The following PGR variants were observed in gnomAD, a reference collection of about 807,000 sequenced individuals.
PGR encodes the protein progesterone receptor.
PGR carries 25 observed loss-of-function variants against 76.1 expected under a neutral mutation model. That is an observed-to-expected ratio of 0.33 (90% CI 0.24 to 0.46). PGR has a LOEUF of 0.46. Among genes scored for constraint, PGR ranks in the 20% least tolerant of loss-of-function variants. The pLI is 1.00. For synonymous variants in PGR, 579 were observed against 535.0 expected (o/e 1.08, Z -1.14); for missense variants, 1,172 against 1,225.3 (o/e 0.96, Z 0.65).
intron 7 of PGR, among the ~76,000 whole-genome samples, chr11:101,039,935 G>A (rs1490252990): frequency 6.6e-6 from 1 of 151,926 alleles, no homozygotes; most frequent in African/African-American, 2.4e-5. Flanking sequence ...TTCTACTATA[G>A]GAAATGAAGA....
rs77354084 is a variant in PGR, at chr11:101,042,673, T to C, written c.2489-571A>G. The stretch of plus-strand genomic sequence containing the variant: ...TATTAATATTTAAATATTTATCTTA[T>C]ATCCAGCCACTTTGTTACACAGGCA... On this transcript the variant is annotated intron_variant, in intron 6 of 7. Coordinates refer to ENST00000325455, the MANE Select transcript of PGR (RefSeq NM_000926.4). Among the ~76,000 whole-genome samples the C allele has an allele frequency of 3.2e-3, 490 of 152,296 alleles. 3 individuals carry two copies. Among genetic ancestry groups the C allele is most frequent in the African/African-American group, 0.011 (445 of 41,568 alleles).
intron 4 of PGR, among the ~76,000 whole-genome samples, chr11:101,056,669 G>A (rs1860306879): frequency 6.8e-6 from 1 of 148,052 alleles, no homozygotes; most frequent in African/African-American, 2.5e-5. Flanking sequence ...AAGATGGCCT[G>A]TATGACAGTA....
intron 2 of PGR, among the ~76,000 whole-genome samples, chr11:101,099,443 A>T (rs780894321): frequency 3.3e-5 from 5 of 152,168 alleles, no homozygotes; most frequent in Non-Finnish European, 7.3e-5. Flanking sequence ...TGGGAACCTA[A>T]TGATCTTTAA....
At chr11:101,069,524 G>A (rs2135421773) in intron 3 of PGR, among the ~76,000 whole-genome samples, 1 of 149,778 alleles carries the variant, frequency 6.7e-6, no homozygotes. Context: ...ATACCCAAAG[G>A]ATTATAAATC....
At chr11:101,060,462 C>A (rs868304679) in intron 4 of PGR, among the ~76,000 whole-genome samples, 8 of 152,238 alleles carry the variant, frequency 5.3e-5, no homozygotes, top group Middle Eastern at 3.4e-3. Context: ...ACAGCAGGTA[C>A]ATAATAGACA....
At position 101,042,818 on chromosome 11, in the gene PGR, A is replaced by G. The variant is rs538023605; in HGVS notation, c.2489-716T>C. Among the ~76,000 whole-genome samples, 3 of 152,298 alleles carry G rather than the reference A, an allele frequency of 2.0e-5. No individual in the cohort carries two copies. In the South Asian group the frequency reaches 6.2e-4, roughly 32 times the overall value. ...CACGTAGAAGTTATATTTACACTATACTAGAATGTATTAAGTGTGCAACAG... is the reference window on the plus strand; with the variant it reads ...CACGTAGAAGTTATATTTACACTATGCTAGAATGTATTAAGTGTGCAACAG... On this transcript the variant is annotated intron_variant, in intron 6 of 7. Coordinates refer to ENST00000325455, the MANE Select transcript of PGR (RefSeq NM_000926.4).
intron 3 of PGR, among the ~76,000 whole-genome samples, chr11:101,066,197 C>A (rs1420561150): frequency 6.6e-6 from 1 of 152,162 alleles, no homozygotes; most frequent in East Asian, 1.9e-4. Context: ...CATTCCTCTC[C>A]TTATCCCAAC....
In PGR at chr11:101,032,811, A is replaced by C. The variant is rs1859392324; in HGVS notation, c.*6305T>G. 2 of 190,770 alleles carry C rather than the reference A, an allele frequency of 1.0e-5. No individual in the cohort carries two copies. The highest frequency in any genetic ancestry group is 1.2e-4 in the Admixed American group (2 of 16,244). The allele number at this position is 190,770 out of a possible 1,614,324, so 11.8% of individuals were successfully genotyped here. ...TTTACCTGTCTTTATTCCCCATCCA[A>C]CTCTAAGCTCGGAGAAGACGGGAAC... On this transcript the variant is annotated 3_prime_UTR_variant, in exon 8 of 8. Coordinates refer to ENST00000325455, the MANE Select transcript of PGR (RefSeq NM_000926.4).
At chr11:101,085,525 T>TAAAAAAAAAAAAAAAAAAAAAA (rs1212568882) in intron 3 of PGR, among the ~76,000 whole-genome samples, 3 of 42,274 alleles carry the variant, frequency 7.1e-5, no homozygotes, top group East Asian at 8.7e-4. Flanking sequence ...CTAGAGGAAC[T>TAAAAAAAAAAAAAAAAAAAAAA]AAAAAAAAAA....
At chr11:101,087,263 C>T (rs1861528862) in intron 3 of PGR, among the ~76,000 whole-genome samples, 1 of 152,102 alleles carries the variant, frequency 6.6e-6, no homozygotes, top group Non-Finnish European at 1.5e-5. Flanking sequence ...AATATAGAAC[C>T]CAGAAATAAA....
At position 101,033,475 on chromosome 11, in the gene PGR, T is replaced by C. The variant is rs559233601; in HGVS notation, c.*5641A>G. 71 of 190,014 alleles carry C rather than the reference T, an allele frequency of 3.7e-4. No individual in the cohort carries two copies. The highest frequency in any genetic ancestry group is 1.6e-3 in the African/African-American group (69 of 43,072). The allele number at this position is 190,014 out of a possible 1,614,324, so 11.8% of individuals were successfully genotyped here. ...TTAGGAAAGCTATGATAGAAGTCCA[T>C]TGACTAACTATTATTTAAAAAGCAA... On this transcript the variant is annotated 3_prime_UTR_variant, in exon 8 of 8. Coordinates refer to ENST00000325455, the MANE Select transcript of PGR (RefSeq NM_000926.4).
intron 7 of PGR, among the ~76,000 whole-genome samples, chr11:101,040,039 A>G (rs1425351268): frequency 6.6e-6 from 1 of 152,052 alleles, no homozygotes; most frequent in East Asian, 1.9e-4. Flanking sequence ...TTTTAGCTAA[A>G]GTCAATATCC....
rs1321866717 is a variant in PGR, at chr11:101,128,250, C to T, written c.821G>A (p.Arg274His). The T allele has an allele frequency of 3.1e-6, 5 of 1,595,142 alleles. No homozygotes were observed. Among genetic ancestry groups the T allele is most frequent in the Admixed American group, 3.4e-5 (2 of 59,320 alleles). Residue 274 changes from arginine to histidine, a missense_variant, in exon 1 of 8, where the codon CGC (arginine) becomes CAC (histidine). By Grantham distance (29) the Arg-to-His change is conservative (BLOSUM62 0). This residue lies in a region of PGR where 893 missense variants were observed against 785.9 expected (regional missense o/e 1.14). Transcript: ENST00000325455. ...GVALVPKEDSRFSAPRVALVE... is the reference protein window; with the variant it reads ...GVALVPKEDSHFSAPRVALVE... ...CAGGGCGACCCTGGGCGCTGAGAAG[C>T]GGGAATCTTCCTTGGGGACCAGGGC...
intron 3 of PGR, among the ~76,000 whole-genome samples, chr11:101,066,108 C>T (rs886829778): frequency 6.6e-5 from 10 of 152,178 alleles, no homozygotes; most frequent in Non-Finnish European, 1.5e-4. Flanking sequence ...CCCTCTCACA[C>T]ATAATGTATT....
intron 2 of PGR, among the ~76,000 whole-genome samples, chr11:101,109,104 T>G (rs1332350365): frequency 6.6e-6 from 1 of 152,218 alleles, no homozygotes; most frequent in Non-Finnish European, 1.5e-5. Context: ...GTGTTCAGAC[T>G]GCTCCACCAA....
In PGR at chr11:101,030,562, T is replaced by C. The variant is rs1859317014; in HGVS notation, c.*8554A>G. ...GAAATAATTAATCTTTGTGTTTTTC[T>C]CTTTGGCACTGGACCTTTCTCCTGG... On this transcript the variant is annotated 3_prime_UTR_variant, in exon 8 of 8. Coordinates refer to ENST00000325455, the MANE Select transcript of PGR (RefSeq NM_000926.4). 4.4e-6 allele frequency: 1 copy of C among 225,446 alleles called. No individual in the cohort carries two copies. The highest frequency in any genetic ancestry group is 8.8e-6 in the Non-Finnish European group (1 of 113,138). 14.0% of individuals were successfully genotyped at this position (225,446 alleles called of 1,614,324 possible). A position where few individuals can be genotyped will look rare whatever the true frequency, so the allele number is the denominator to read the frequency against.
intron 3 of PGR, among the ~76,000 whole-genome samples, chr11:101,066,131 A>G (rs1013279393): frequency 3.3e-5 from 5 of 152,124 alleles, no homozygotes. Flanking sequence ...GTGGAGAAAT[A>G]TCACTCTCTT....
intron 3 of PGR, among the ~76,000 whole-genome samples, chr11:101,079,115 C>A (rs1174521476): frequency 6.6e-6 from 1 of 152,120 alleles, no homozygotes; most frequent in Non-Finnish European, 1.5e-5. Flanking sequence ...TCACTCACCA[C>A]ATACGAAAAT....
At chr11:101,054,256 A>T (rs1394020421) in intron 4 of PGR, among the ~76,000 whole-genome samples, 2 of 152,060 alleles carry the variant, frequency 1.3e-5, no homozygotes, top group Admixed American at 6.6e-5. Flanking sequence ...TATAATTAAC[A>T]TAGTTTATTT....
Sources: allele counts gnomAD v4.1 joint callset (sites outside exome capture counted in the v4.1 genomes callset), GRCh38; gene constraint gnomAD v4.1.1; regional missense constraint gnomAD v4.1.1; transcripts MANE v1.5; gene names NCBI Gene and HGNC (gene_info 2026-07-23, HGNC 2026-07-21).